Variants in SLC40A1 observed in about 807,000 individuals in gnomAD.
The protein encoded by SLC40A1 is solute carrier family 40 member 1.
In SLC40A1, 16 loss-of-function variants were observed where a neutral mutation model predicts 53.5. That is an observed-to-expected ratio of 0.30 (90% confidence interval 0.20 to 0.45). The LOEUF (loss-of-function observed/expected upper bound fraction) is 0.45, where lower values mean the gene tolerates loss of function less well. Ranked by LOEUF, SLC40A1 falls within the 20% of genes least tolerant of loss-of-function variation. The pLI is 1.00. For missense variants in SLC40A1, 545 were observed against 695.4 expected, an observed-to-expected ratio of 0.78 and a Z score of 2.43; for synonymous variants, 247 against 253.2, an observed-to-expected ratio of 0.98 and a Z score of 0.23.
In SLC40A1 at chr2:189,563,912, T is replaced by C. The variant is rs1559010333; in HGVS notation, c.1074A>G (p.Val358=). 1 of 1,614,098 alleles carries C rather than the reference T, an allele frequency of 6.2e-7. No individual in the cohort carries two copies. Among genetic ancestry groups the C allele is most frequent in the African/African-American group, 1.3e-5 (1 of 74,946 alleles). The change falls in exon 7 of 8, where the codon GTA becomes GTG. Residue 358 remains valine, a synonymous_variant. Transcript: ENST00000261024. ...ASAITGIMGT[V]AFTWLRRKCG... ...ATTTTCGACGTAGCCAAGTAAAAGCTACAGTTCCCATTATTCCAGTTATAG... is the reference window on the plus strand; with the variant it reads ...ATTTTCGACGTAGCCAAGTAAAAGCCACAGTTCCCATTATTCCAGTTATAG...
intron 2 of SLC40A1, among the ~76,000 whole-genome samples, chr2:189,577,983 A>C (rs1467751955): frequency 6.6e-6 from 1 of 152,156 alleles, no homozygotes; most frequent in African/African-American, 2.4e-5. Flanking sequence ...GGCAGATAGA[A>C]ATGAAGTCAG....
chr2:189,573,803 T>G (rs1012775031), intron 3 of SLC40A1, among the ~76,000 whole-genome samples: 1 of 152,206 alleles, frequency 6.6e-6, no homozygotes, highest in Non-Finnish European at 1.5e-5. Context: ...AAGGATAATA[T>G]AGTTCATCCT....
chr2:189,571,827 G>A lies in SLC40A1; in HGVS notation c.402C>T (p.Ile134=), dbSNP rs772637500. 5.0e-6 allele frequency: 8 copies of A among 1,608,800 alleles called. No individual in the cohort carries two copies. Among genetic ancestry groups the A allele is most frequent in the Non-Finnish European group, 6.8e-6 (8 of 1,175,320 alleles). The part of the protein sequence containing the change: ...YHGWVLTSCY[I]LIITIANIAN... The stretch of plus-strand genomic sequence containing the variant: ...CAATATTTGCAATAGTGATGATCAG[G>A]ATATAGCAGGAAGTCTAAAGAATGA... Residue 134 remains isoleucine (I), a synonymous_variant, in exon 5 of 8, where the codon ATC becomes ATT. Coordinates refer to ENST00000261024, the MANE Select transcript of SLC40A1 (RefSeq NM_014585.6).
chr2:189,574,522 T>C (rs1025475377), intron 3 of SLC40A1, among the ~76,000 whole-genome samples: 1 of 152,222 alleles, frequency 6.6e-6, no homozygotes, highest in Non-Finnish European at 1.5e-5. Flanking sequence ...CAAGAAAATT[T>C]ACCCTGAATG....
intron 5 of SLC40A1, among the ~76,000 whole-genome samples, chr2:189,568,983 C>G (rs942897349): frequency 2.0e-5 from 3 of 152,180 alleles, no homozygotes; most frequent in Non-Finnish European, 4.4e-5. Context: ...AGAATGTTAT[C>G]ATAAAACACT....
At chr2:189,575,936 T>C (rs113500931) in intron 2 of SLC40A1, among the ~76,000 whole-genome samples, 2 of 152,222 alleles carry the variant, frequency 1.3e-5, no homozygotes, top group East Asian at 1.9e-4. Context: ...ATTCTGGCAC[T>C]GCATAAACAG....
chr2:189,578,433 C>G (rs1341240553), intron 2 of SLC40A1: 1 of 931,106 alleles, frequency 1.1e-6, no homozygotes, highest in Non-Finnish European at 1.3e-6. Flanking sequence ...CTGGAACAAC[C>G]ACGGTGCCAC....
rs577369118 is a variant in SLC40A1, at chr2:189,568,531, A to ATTC, written c.515-2933_515-2932insGAA. Among the ~76,000 whole-genome samples, 585 of 152,338 alleles carry ATTC rather than the reference A, an allele frequency of 3.8e-3. 1 individual carries two copies. The highest frequency in any genetic ancestry group is 0.014 in the African/African-American group (565 of 41,578). On this transcript the variant is annotated intron_variant, in intron 5 of 7. Coordinates refer to ENST00000261024, the MANE Select transcript of SLC40A1 (RefSeq NM_014585.6). ...AATCATCTTACTGGTAGCAGGCTAG[A>ATTC]AAAGAATCAGTCTTATGAATATGCA...
rs2031447419 is a variant in SLC40A1 at position 189,580,784 on chromosome 2, G to GCCC, written c.-325_-324insGGG. 1 of 1,272,936 alleles carries GCCC rather than the reference G, an allele frequency of 7.9e-7. No homozygotes were observed. Among genetic ancestry groups the GCCC allele is most frequent in the Admixed American group, 3.4e-5 (1 of 29,828 alleles). 78.9% of individuals were successfully genotyped at this position (1,272,936 alleles called of 1,614,324 possible). A position where few individuals can be genotyped will look rare whatever the true frequency, so the allele number is the denominator to read the frequency against. Reference sequence around the variant, plus strand: ...GCCAGCTCTCTCCGCCGCCGCCGCCGCCGCCGTGGGCCGGGCCCAGCTCTT... The same window carrying GCCC: ...GCCAGCTCTCTCCGCCGCCGCCGCCGCCCCCGCCGTGGGCCGGGCCCAGCTCTT... On this transcript the variant is annotated 5_prime_UTR_variant, in exon 1 of 8. Coordinates refer to ENST00000261024, the MANE Select transcript of SLC40A1 (RefSeq NM_014585.6).
In SLC40A1 at chr2:189,560,633, A is replaced by G. The variant is rs191898038; in HGVS notation, c.*1245T>C. The G allele has an allele frequency of 6.6e-6, 1 of 152,616 alleles. No homozygotes were observed. The highest frequency in any genetic ancestry group is 1.5e-5 in the Non-Finnish European group (1 of 68,026). The allele number at this position is 152,616 out of a possible 1,614,324, so 9.5% of individuals were successfully genotyped here. A position where few individuals can be genotyped will look rare whatever the true frequency, so the allele number is the denominator to read the frequency against. The stretch of plus-strand genomic sequence containing the variant: ...TTTTATATAGAAATTTTTTACAAAG[A>G]TTTTACAACATAGCAAATCATTATG... On this transcript the variant is annotated 3_prime_UTR_variant, in exon 8 of 8. Coordinates refer to ENST00000261024, the MANE Select transcript of SLC40A1 (RefSeq NM_014585.6).
At chr2:189,571,619 C>T in intron 5 of SLC40A1, 96 bp downstream of exon 5, 1 of 1,539,292 alleles carries the variant, frequency 6.5e-7, no homozygotes, top group Non-Finnish European at 8.8e-7. Flanking sequence ...AAAAAATACC[C>T]AGAACAAAAA....
At chr2:189,579,078 A>G (rs2031379878) in intron 2 of SLC40A1, among the ~76,000 whole-genome samples, 1 of 152,226 alleles carries the variant, frequency 6.6e-6, no homozygotes, top group African/African-American at 2.4e-5. Context: ...CACTGAACAT[A>G]TATCTAGCAC....
chr2:189,564,333 T>G, intron 6 of SLC40A1, 108 bp from the exon 7 acceptor site: 3 of 834,454 alleles, frequency 3.6e-6, no homozygotes, highest in Non-Finnish European at 5.9e-6. Flanking sequence ...TGGGTACCCT[T>G]GGTTAGACAT....
intron 7 of SLC40A1, 99 bp downstream of exon 7, chr2:189,563,485 C>CTTA: frequency 8.9e-7 from 1 of 1,118,630 alleles, no homozygotes; most frequent in East Asian, 2.6e-5. Flanking sequence ...CTTAAATTAA[C>CTTA]ATTTAGGGAA....
chr2:189,571,262 A>C (rs1313388055), intron 5 of SLC40A1, among the ~76,000 whole-genome samples: 1 of 152,296 alleles, frequency 6.6e-6, no homozygotes, highest in East Asian at 1.9e-4. Flanking sequence ...TATAACTTTA[A>C]GATGGAAGAA....
Position 189,565,369 on chromosome 2 carries a change from G to A in SLC40A1, c.745C>T (p.Leu249=), listed in dbSNP as rs767184596. 1.9e-6 allele frequency: 3 copies of A among 1,614,244 alleles called. No individual in the cohort carries two copies. Among genetic ancestry groups the A allele is most frequent in the Non-Finnish European group, 2.5e-6 (3 of 1,180,032 alleles). ...TTCAGTTTACCTTTGTGTAAATTCA[G>A]CTGTTTCAATTCAGTTTCCTCTTCT... ...LKEEETELKQ[L]NLHKDTEPKP... The change falls in exon 6 of 8, where the codon CTG becomes TTG. Residue 249 remains leucine (L), a synonymous_variant. Transcript: ENST00000261024.
At position 189,571,858 on chromosome 2, in the gene SLC40A1, A is replaced by C. The variant is rs913228674; in HGVS notation, c.388-17T>G. ...GCAGGAAGTCTAAAGAATGACAAGA[A>C]AAAAATGAGTTATAATGTCAGTTTA... On this transcript the variant is annotated splice_polypyrimidine_tract_variant and intron_variant, in intron 4 of 7. Coordinates refer to ENST00000261024, the MANE Select transcript of SLC40A1 (RefSeq NM_014585.6). 4.6e-6 allele frequency: 7 copies of C among 1,528,196 alleles called. No individual in the cohort carries two copies. Among genetic ancestry groups the C allele is most frequent in the Non-Finnish European group, 6.4e-6 (7 of 1,102,086 alleles). The allele number at this position is 1,528,196 out of a possible 1,614,324, so 94.7% of individuals were successfully genotyped here.
chr2:189,569,051 T>C (rs189389486), intron 5 of SLC40A1, among the ~76,000 whole-genome samples: 308 of 152,384 alleles, frequency 2.0e-3, no homozygotes, highest in Middle Eastern at 0.017. Context: ...GCAGTATTCA[T>C]GAGAAAAATA....
In SLC40A1 at chr2:189,571,856, G is replaced by GA. The variant is rs1559013324; in HGVS notation, c.388-16dup. On this transcript the variant is annotated splice_polypyrimidine_tract_variant and intron_variant, in intron 4 of 7. Transcript: ENST00000261024. Reference sequence around the variant, plus strand: ...TAGCAGGAAGTCTAAAGAATGACAAGAAAAAAATGAGTTATAATGTCAGTT... The same window carrying GA: ...TAGCAGGAAGTCTAAAGAATGACAAGAAAAAAAATGAGTTATAATGTCAGTT... 2.6e-6 allele frequency: 4 copies of GA among 1,537,932 alleles called. No individual in the cohort carries two copies. Among genetic ancestry groups the GA allele is most frequent in the East Asian group, 2.3e-5 (1 of 44,426 alleles).
Sources: allele counts gnomAD v4.1 joint callset (sites outside exome capture counted in the v4.1 genomes callset), GRCh38; gene constraint gnomAD v4.1.1; transcripts MANE v1.5; gene names NCBI Gene and HGNC (gene_info 2026-07-23, HGNC 2026-07-21).